The following CACNA1B variants were observed in gnomAD, a reference collection of about 807,000 sequenced individuals.
CACNA1B encodes the protein voltage-dependent N-type calcium channel subunit alpha-1B.
In CACNA1B, 70 loss-of-function variants were observed where a neutral mutation model predicts 247.2. The ratio of observed to expected loss-of-function variants is 0.28; its 90% CI spans 0.23 to 0.35. The LOEUF (loss-of-function observed/expected upper bound fraction) is 0.35. Ranked by LOEUF, CACNA1B falls within the 10% of genes least tolerant of loss-of-function variation. The pLI, the probability that CACNA1B is intolerant of heterozygous loss-of-function variation, is 1.00. For missense variants in CACNA1B, 2,367 were observed against 3,197.4 expected, an observed-to-expected ratio of 0.74 and a Z score of 6.26; for synonymous variants, 1,231 against 1,294.4, an observed-to-expected ratio of 0.95 and a Z score of 1.05.
chr9:137,948,636 GA>G (rs1957826101), intron 6 of CACNA1B, among the ~76,000 whole-genome samples: 1 of 151,072 alleles, frequency 6.6e-6, no homozygotes, highest in South Asian at 2.1e-4. Flanking sequence ...ACACTTTGGA[GA>G]AAGGTATTTG....
intron 10 of CACNA1B, among the ~76,000 whole-genome samples, chr9:137,967,555 C>T (rs371871153): frequency 6.6e-6 from 1 of 152,192 alleles, no homozygotes; most frequent in South Asian, 2.1e-4. Context: ...TTAACTCTGT[C>T]CTGTCACTCG....
intron 6 of CACNA1B, among the ~76,000 whole-genome samples, chr9:137,920,682 A>G (rs1249789393): frequency 6.6e-6 from 1 of 152,192 alleles, no homozygotes; most frequent in Non-Finnish European, 1.5e-5. Flanking sequence ...TTGCTTTATG[A>G]TTATGCACGT....
chr9:137,906,551 A>G (rs1214685417), intron 3 of CACNA1B, among the ~76,000 whole-genome samples: 1 of 152,060 alleles, frequency 6.6e-6, no homozygotes, highest in Non-Finnish European at 1.5e-5. Context: ...CTTTCTCTGC[A>G]TCCCCGTGTG....
intron 3 of CACNA1B, among the ~76,000 whole-genome samples, chr9:137,886,880 G>A (rs529895996): frequency 6.6e-6 from 1 of 152,328 alleles, no homozygotes; most frequent in African/African-American, 2.4e-5. Flanking sequence ...ACTTTGCATA[G>A]GGTCATCAGA....
chr9:137,969,347 A>G (rs1391649101), intron 10 of CACNA1B, among the ~76,000 whole-genome samples: 5 of 152,114 alleles, frequency 3.3e-5, no homozygotes, highest in Admixed American at 6.5e-5. Context: ...TGGCATGACT[A>G]TGGTTGTGCC....
Position 138,049,288 on chromosome 9 carries a change from G to A in CACNA1B, c.3683G>A (p.Ser1228Asn). The A allele has an allele frequency of 1.2e-6, 2 of 1,612,604 alleles. No individual in the cohort carries two copies. Among genetic ancestry groups the A allele is most frequent in the Non-Finnish European group, 1.7e-6 (2 of 1,178,564 alleles). Residue 1228 changes from serine (S) to asparagine (N), a missense_variant, in exon 24 of 47, where the codon AGT (serine) becomes AAT (asparagine). By Grantham distance (46) the Ser-to-Asn change is conservative. Transcript: ENST00000371372. ...AACATTCTGGACTTCATTGTGGTCAGTGGCGCCCTGGTGGCGTTTGCTTTC... is the reference window on the plus strand; with the variant it reads ...AACATTCTGGACTTCATTGTGGTCAATGGCGCCCTGGTGGCGTTTGCTTTC... ...LWNILDFIVV[S>N]GALVAFAFSG...
At chr9:138,078,992 G>A (rs1268907782) in intron 36 of CACNA1B, among the ~76,000 whole-genome samples, 3 of 152,162 alleles carry the variant, frequency 2.0e-5, no homozygotes, top group East Asian at 1.9e-4. Flanking sequence ...GATGCCCAGC[G>A]ACCTCTGGGC....
Position 137,888,994 on chromosome 9 carries a change from G to A in CACNA1B, c.530+6111G>A, listed in dbSNP as rs12156506. 2.0e-5 allele frequency among the ~76,000 whole-genome samples: 3 copies of A among 147,176 alleles called. No individual in the cohort carries two copies. Among genetic ancestry groups the A allele is most frequent in the Admixed American group, 6.8e-5 (1 of 14,794 alleles). Reference sequence around the variant, plus strand: ...GACAGCCCAGAGACGCTGCCTTCCCGCAAGGCGACCTGACGCTGTGTCTGA... The same window carrying A: ...GACAGCCCAGAGACGCTGCCTTCCCACAAGGCGACCTGACGCTGTGTCTGA... On this transcript the variant is annotated intron_variant, in intron 3 of 46. Transcript: ENST00000371372. The surrounding 1 kb of genome is among the most constrained non-coding windows in gnomAD (Gnocchi z 4.7).
At chr9:137,933,380 C>T (rs1013017686) in intron 6 of CACNA1B, among the ~76,000 whole-genome samples, 1 of 152,086 alleles carries the variant, frequency 6.6e-6, no homozygotes, top group African/African-American at 2.4e-5. Flanking sequence ...TTCCAAGGAC[C>T]GGACCAGAAT....
At position 138,050,272 on chromosome 9, in the gene CACNA1B, C is replaced by G. The variant is rs145983262; in HGVS notation, c.3710+957C>G. On this transcript the variant is annotated intron_variant, in intron 24 of 46. Transcript: ENST00000371372. The surrounding 1 kb of genome is among the most constrained non-coding windows in gnomAD (Gnocchi z 5.2). The stretch of plus-strand genomic sequence containing the variant: ...ATGCCTCTGGGAGCGGGGCGGGGAG[C>G]TGGGCTGGAGCTGGGCATGGTCAGC... Among the ~76,000 whole-genome samples the G allele has an allele frequency of 6.6e-6, 1 of 152,332 alleles. No individual in the cohort carries two copies. Among genetic ancestry groups the G allele is most frequent in the Non-Finnish European group, 1.5e-5 (1 of 68,020 alleles).
intron 5 of CACNA1B, among the ~76,000 whole-genome samples, chr9:137,916,175 T>C (rs982246710): frequency 1.3e-5 from 2 of 151,782 alleles, no homozygotes; most frequent in African/African-American, 4.8e-5. Context: ...TGGGATTACA[T>C]GCCCATGGTG....
At chr9:137,920,399 GT>G (rs1957464199) in intron 6 of CACNA1B, among the ~76,000 whole-genome samples, 1 of 152,148 alleles carries the variant, frequency 6.6e-6, no homozygotes, top group Admixed American at 6.5e-5. Context: ...GTTTCGCCAT[GT>G]TGGCCAGGCT....
At chr9:137,960,251 CCTGAGGGACACCCGGAGAGAAGGGAG>C in intron 10 of CACNA1B, among the ~76,000 whole-genome samples, 1 of 140,658 alleles carries the variant, frequency 7.1e-6, no homozygotes, top group Non-Finnish European at 1.6e-5. Context: ...GGGAGTTAGG[CCTGAGGGACACCCGGAGAGAAGGGAG>C]GTCCGGGGAG....
intron 42 of CACNA1B, among the ~76,000 whole-genome samples, chr9:138,117,219 G>C (rs1330226490): frequency 6.6e-6 from 1 of 152,170 alleles, no homozygotes; most frequent in Non-Finnish European, 1.5e-5. Flanking sequence ...GCATGTGTGG[G>C]GTGGCCTCCG....
rs1554737971 is a variant in CACNA1B, at chr9:137,954,856, T to TGTGTGTGTG, written c.1071-842_1071-841insGTGTGTGTG. ...ACACCCACTCCACCAACTCAGAAGC[T>TGTGTGTGTG]TGTGTGTGTGTGTGTGTGTGTGTGA... On this transcript the variant is annotated intron_variant, in intron 7 of 46. Transcript: ENST00000371372. The surrounding 1 kb of genome is among the most constrained non-coding windows in gnomAD (Gnocchi z 4.1). Among the ~76,000 whole-genome samples the TGTGTGTGTG allele has an allele frequency of 1.7e-5, 2 of 120,942 alleles. No homozygotes were observed. Among genetic ancestry groups the TGTGTGTGTG allele is most frequent in the African/African-American group, 4.0e-5 (1 of 25,258 alleles). The allele number at this position is 120,942 out of a possible 152,430, so 79.3% of individuals were successfully genotyped here.
At chr9:138,003,234 G>A (rs916209266) in intron 15 of CACNA1B, among the ~76,000 whole-genome samples, 2 of 150,284 alleles carry the variant, frequency 1.3e-5, no homozygotes, top group Non-Finnish European at 3.0e-5. Context: ...GCCAAGGCTG[G>A]AGTACAGTGG....
chr9:137,927,191 A>AT (rs1957560817), intron 6 of CACNA1B, among the ~76,000 whole-genome samples: 1 of 150,420 alleles, frequency 6.6e-6, no homozygotes. Flanking sequence ...TCTTTGATCC[A>AT]TTTTTTATTT....
intron 31 of CACNA1B, among the ~76,000 whole-genome samples, chr9:138,061,238 A>G (rs927683748): frequency 2.0e-5 from 3 of 152,178 alleles, no homozygotes; most frequent in African/African-American, 7.2e-5. Context: ...GCCTTCTGGC[A>G]CGAGCAGCCC....
chr9:137,947,554 A>T lies in CACNA1B; in HGVS notation c.967-4720A>T, dbSNP rs566609079. Among the ~76,000 whole-genome samples, 4 of 152,120 alleles carry T rather than the reference A, an allele frequency of 2.6e-5. No homozygotes were observed. In the East Asian group the frequency reaches 7.7e-4, roughly 29 times the overall value. ...TTCCATTTTTCTTCCTTCCTTCCTA[A>T]TAGTGATTCAATTTTTACTCATTTC... On this transcript the variant is annotated intron_variant, in intron 6 of 46. Coordinates refer to ENST00000371372, the MANE Select transcript of CACNA1B (RefSeq NM_000718.4).
Sources: gnomAD v4.1 joint callset for allele counts (sites outside exome capture counted in the v4.1 genomes callset) on GRCh38, gnomAD v4.1.1 for gene constraint, Gnocchi (gnomAD v3.1) non-coding constraint, MANE v1.5 for transcripts, NCBI Gene and HGNC (gene_info 2026-07-23, HGNC 2026-07-21) for gene names.